The following SOX5 variants were observed in gnomAD, a reference collection of about 807,000 sequenced individuals.
SOX5 encodes the protein transcription factor SOX-5.
In SOX5, 9 loss-of-function variants were observed where a neutral mutation model predicts 92.0. The ratio of observed to expected loss-of-function variants is 0.10; its 90% CI spans 0.06 to 0.17. The LOEUF is 0.17. Ranked by LOEUF, SOX5 falls within the 10% of genes least tolerant of loss-of-function variation. The pLI is 1.00. For synonymous variants in SOX5, 344 were observed against 336.3 expected (o/e 1.02, Z -0.25); for missense variants, 642 against 944.5 (o/e 0.68, Z 4.20).
At chr12:24,116,005 A>G (rs1346649158) in intron 4 of SOX5, among the ~76,000 whole-genome samples, 1 of 152,190 alleles carries the variant, frequency 6.6e-6, no homozygotes, top group East Asian at 1.9e-4. Flanking sequence ...TAATAGCAAT[A>G]TTAATTAAGG....
chr12:24,125,299 T>A (rs1949007065), intron 4 of SOX5, among the ~76,000 whole-genome samples: 1 of 152,188 alleles, frequency 6.6e-6, no homozygotes, highest in Non-Finnish European at 1.5e-5. Context: ...TTTCTTCTCC[T>A]CACCACCAGT....
intron 2 of SOX5, among the ~76,000 whole-genome samples, chr12:24,303,605 T>A (rs1948239786): frequency 6.6e-6 from 1 of 152,186 alleles, no homozygotes. Context: ...CAGATGTAAT[T>A]CCTATAGTTG....
intron 2 of SOX5, among the ~76,000 whole-genome samples, chr12:24,312,535 T>C (rs577413996): frequency 1.4e-4 from 21 of 152,214 alleles, no homozygotes; most frequent in Non-Finnish European, 2.5e-4. Flanking sequence ...TGGACTGTGC[T>C]GTCAGGATCA....
intron 1 of SOX5, among the ~76,000 whole-genome samples, chr12:24,502,431 A>T (rs542751000): frequency 6.6e-6 from 1 of 152,362 alleles, no homozygotes; most frequent in Admixed American, 6.5e-5. Flanking sequence ...CATAACACAA[A>T]ACTAAATATT....
chr12:24,119,915 G>C (rs1948442707), intron 4 of SOX5, among the ~76,000 whole-genome samples: 1 of 152,126 alleles, frequency 6.6e-6, no homozygotes, highest in Non-Finnish European at 1.5e-5. Context: ...TAAATGGGAA[G>C]TTATACAGTA....
intron 1 of SOX5, among the ~76,000 whole-genome samples, chr12:24,522,573 T>C (rs764704012): frequency 7.2e-5 from 11 of 152,048 alleles, no homozygotes; most frequent in Non-Finnish European, 1.5e-4. Flanking sequence ...AGAAACATAT[T>C]CTATGACCAA....
chr12:23,801,389 T>A (rs1199932087), intron 3 of SOX5, among the ~76,000 whole-genome samples: 1 of 149,282 alleles, frequency 6.7e-6, no homozygotes, highest in East Asian at 1.9e-4. Flanking sequence ...AAACCTGCAG[T>A]TTTTTAAAGG....
chr12:24,110,884 G>GC (rs1483347550), intron 4 of SOX5, among the ~76,000 whole-genome samples: 1 of 125,964 alleles, frequency 7.9e-6, no homozygotes, highest in East Asian at 2.3e-4. Flanking sequence ...CTGGGCGACA[G>GC]CGCGAGACTC....
At chr12:23,879,429 T>C (rs980578707) in intron 2 of SOX5, among the ~76,000 whole-genome samples, 5 of 152,180 alleles carry the variant, frequency 3.3e-5, no homozygotes, top group African/African-American at 1.2e-4. Flanking sequence ...ATACATAGCA[T>C]AGAAAGGCAA....
chr12:24,275,829 C>T (rs1944372290), intron 3 of SOX5, among the ~76,000 whole-genome samples: 1 of 152,026 alleles, frequency 6.6e-6, no homozygotes, highest in Admixed American at 6.6e-5. Flanking sequence ...AAGGTTTCCC[C>T]AAAATTGTTG....
chr12:23,621,975 G>A (rs1320151853), intron 8 of SOX5, among the ~76,000 whole-genome samples: 2 of 152,092 alleles, frequency 1.3e-5, no homozygotes, highest in Non-Finnish European at 2.9e-5. Context: ...AGGAAAGATA[G>A]ATGGGACACA....
At chr12:23,685,628 T>TC (rs144168250) in intron 6 of SOX5, among the ~76,000 whole-genome samples, 4,976 of 142,626 alleles carry the variant, frequency 0.035, 78 homozygotes, top group Middle Eastern at 0.048. Flanking sequence ...ATCCTTTTTG[T>TC]CCCCCCCCCC....
chr12:23,530,481 G>C lies in SOX5; in HGVS notation c.*3738C>G, dbSNP rs1938730329. 1 of 92,858 alleles carries C rather than the reference G, an allele frequency of 1.1e-5. No individual in the cohort carries two copies. Among genetic ancestry groups the C allele is most frequent in the South Asian group, 4.6e-4 (1 of 2,164 alleles). The allele number at this position is 92,858 out of a possible 1,614,324, so 5.8% of individuals were successfully genotyped here. A position where few individuals can be genotyped will look rare whatever the true frequency, so the allele number is the denominator to read the frequency against. ...TTTTTTATATTTGTTCTTTATAAGA[G>C]GATTTGGTTCTAACGATGATTATGT... On this transcript the variant is annotated 3_prime_UTR_variant, in exon 15 of 15. Coordinates refer to ENST00000451604, the MANE Select transcript of SOX5 (RefSeq NM_006940.6).
chr12:23,722,724 G>A (rs1221195666), intron 6 of SOX5, among the ~76,000 whole-genome samples: 3 of 152,020 alleles, frequency 2.0e-5, no homozygotes, highest in Non-Finnish European at 4.4e-5. Context: ...GAGTCTGACT[G>A]ATGTAAGATG....
In SOX5 at chr12:23,966,700, T is replaced by C. The variant is rs1947626217; in HGVS notation, c.-1-70676A>G. Among the ~76,000 whole-genome samples the C allele has an allele frequency of 2.6e-5, 4 of 152,226 alleles. No individual in the cohort carries two copies. The South Asian group carries it at 8.3e-4, about 32-fold the overall frequency. On this transcript the variant is annotated intron_variant, in intron 4 of 4. Transcript: ENST00000446891. The stretch of plus-strand genomic sequence containing the variant: ...TAGTTCTGACCTATAACCTCTCTTA[T>C]GATCTTCAGTTGCCTCCTTTGTAAA...
chr12:24,025,838 G>T (rs947538635), intron 4 of SOX5, among the ~76,000 whole-genome samples: 3 of 152,052 alleles, frequency 2.0e-5, no homozygotes, highest in Admixed American at 2.0e-4. Context: ...ATATGAATCA[G>T]AAGAGTGAAC....
chr12:23,556,758 C>T (rs1244467294), intron 11 of SOX5, among the ~76,000 whole-genome samples: 2 of 151,932 alleles, frequency 1.3e-5, no homozygotes. Context: ...GCATGAGTTC[C>T]TTCATATTCA....
At chr12:24,003,381 C>A (rs539661387) in intron 4 of SOX5, among the ~76,000 whole-genome samples, 1 of 151,710 alleles carries the variant, frequency 6.6e-6, no homozygotes, top group Non-Finnish European at 1.5e-5. Context: ...TCTTTCTTCT[C>A]GGGGTGTTTG....
chr12:24,228,737 AC>A (rs1417065194), intron 3 of SOX5, among the ~76,000 whole-genome samples: 1 of 152,146 alleles, frequency 6.6e-6, no homozygotes, highest in African/African-American at 2.4e-5. Flanking sequence ...CCATTGAAGC[AC>A]CCTGAATATT....
Sources: allele counts gnomAD v4.1 joint callset (sites outside exome capture counted in the v4.1 genomes callset), GRCh38; gene constraint gnomAD v4.1.1; transcripts MANE v1.5; gene names NCBI Gene and HGNC (gene_info 2026-07-23, HGNC 2026-07-21).